Variants in BRSK2 observed in about 807,000 individuals in gnomAD.
BRSK2 encodes the protein serine/threonine-protein kinase BRSK2.
BRSK2 carries 19 observed loss-of-function variants against 83.3 expected under a neutral mutation model. That is an observed-to-expected ratio of 0.23 (90% confidence interval 0.16 to 0.33). BRSK2 has a LOEUF of 0.33. Ranked by LOEUF, BRSK2 falls within the 10% of genes least tolerant of loss-of-function variation. The pLI is 1.00. For missense variants in BRSK2, 798 were observed against 1,042.3 expected (o/e 0.77, Z 3.23); for synonymous variants, 519 against 435.4 (o/e 1.19, Z -2.39).
chr11:1,450,712 A>T lies in BRSK2; in HGVS notation c.1413A>T (p.Gly471=), dbSNP rs747593302. Residue 471 remains glycine, a synonymous_variant, in exon 14 of 20, where the codon GGA becomes GGT. Transcript: ENST00000528841. The part of the protein sequence containing the change: ...NPTPPSSPSV[G]GVPWRARLNS... Reference sequence around the variant, plus strand: ...CGCCCCCGTCCAGCCCCAGCGTCGGAGGGGTGCCCTGGAGGGCGCGGCTCA... The same window carrying T: ...CGCCCCCGTCCAGCCCCAGCGTCGGTGGGGTGCCCTGGAGGGCGCGGCTCA... The T allele has an allele frequency of 6.2e-7, 1 of 1,605,458 alleles. No individual in the cohort carries two copies. The highest frequency in any genetic ancestry group is 8.5e-7 in the Non-Finnish European group (1 of 1,177,516).
intron 1 of BRSK2, among the ~76,000 whole-genome samples, chr11:1,392,085 C>T (rs909297497): frequency 2.0e-5 from 3 of 152,182 alleles, no homozygotes; most frequent in Admixed American, 1.3e-4. Flanking sequence ...AGCGTGTCAC[C>T]GGGAGGGCCC....
At chr11:1,458,175 G>T (rs1480235896) in intron 18 of BRSK2, among the ~76,000 whole-genome samples, 2 of 152,058 alleles carry the variant, frequency 1.3e-5, no homozygotes, top group South Asian at 4.1e-4. Flanking sequence ...GGGTGTCCCC[G>T]CACCTGAGCA....
intron 1 of BRSK2, chr11:1,410,496 T>A (rs1413192186): frequency 1.0e-6 from 1 of 985,196 alleles, no homozygotes; most frequent in Non-Finnish European, 1.2e-6. Context: ...GTGCGATGGG[T>A]GCTGGGCCCG....
intron 16 of BRSK2, among the ~76,000 whole-genome samples, chr11:1,455,689 C>T (rs1846430562): frequency 6.6e-6 from 1 of 152,064 alleles, no homozygotes; most frequent in Admixed American, 6.5e-5. Context: ...CCTCGGCCTC[C>T]TCCCTCACCA....
chr11:1,440,384 A>G (rs1049308701), intron 3 of BRSK2, among the ~76,000 whole-genome samples: 6 of 151,844 alleles, frequency 4.0e-5, no homozygotes, highest in African/African-American at 1.5e-4. Flanking sequence ...TGCCTGTGCC[A>G]CTGAGGACCA....
chr11:1,421,926 C>T (rs1051728281), intron 1 of BRSK2, among the ~76,000 whole-genome samples: 3 of 139,214 alleles, frequency 2.2e-5, no homozygotes, highest in South Asian at 2.6e-4. Context: ...GATGTGAGCA[C>T]GGCGGCCTGA....
intron 1 of BRSK2, among the ~76,000 whole-genome samples, chr11:1,426,797 G>A (rs1849286089): frequency 1.3e-5 from 2 of 152,068 alleles, no homozygotes; most frequent in South Asian, 4.1e-4. Context: ...TGGCGGGGCT[G>A]CTGGGGAGGA....
rs963998268 is a variant in BRSK2 at position 1,423,880 on chromosome 11, C to G, written c.92-12160C>G. ...CCCTGGGCCTGCAGAAGTGCTCCCC[C>G]ACCCCCATCTTGCTTTCACCCTCAC... On this transcript the variant is annotated intron_variant, in intron 1 of 19. Transcript: ENST00000528841. The surrounding 1 kb of genome is among the most constrained non-coding windows in gnomAD (Gnocchi z 6.5). 6.6e-6 allele frequency among the ~76,000 whole-genome samples: 1 copy of G among 152,206 alleles called. No individual in the cohort carries two copies. Among genetic ancestry groups the G allele is most frequent in the Non-Finnish European group, 1.5e-5 (1 of 67,988 alleles).
Position 1,423,338 on chromosome 11 carries a change from T to C in BRSK2, c.92-12702T>C, listed in dbSNP as rs114968658. On this transcript the variant is annotated intron_variant, in intron 1 of 19. Coordinates refer to ENST00000528841, the MANE Select transcript of BRSK2 (RefSeq NM_001256627.2). This position sits in a 1 kb window ranked among gnomAD's most constrained non-coding sequence, Gnocchi z 6.5. ...GGTGAGTTCGAGACCTCGTAAATACTTCAGTGCAGAGCCTTCAGTTAGGAG... is the reference window on the plus strand; with the variant it reads ...GGTGAGTTCGAGACCTCGTAAATACCTCAGTGCAGAGCCTTCAGTTAGGAG... Among the ~76,000 whole-genome samples, 519 of 152,250 alleles carry C rather than the reference T, an allele frequency of 3.4e-3. 2 individuals are homozygous for C. Among genetic ancestry groups the C allele is most frequent in the African/African-American group, 0.012 (494 of 41,550 alleles).
Position 1,451,354 on chromosome 11 carries a change from T to G in BRSK2, c.1496-17T>G. On this transcript the variant is annotated splice_polypyrimidine_tract_variant and intron_variant, in intron 14 of 19. Transcript: ENST00000528841. ...GCGGTCACCACGCCTTTCCTCCTGT[T>G]CATCCTGTGTGCACAGTTCCGACGC... The G allele has an allele frequency of 6.2e-7, 1 of 1,612,878 alleles. No homozygotes were observed. The highest frequency in any genetic ancestry group is 8.5e-7 in the Non-Finnish European group (1 of 1,179,824).
chr11:1,414,480 G>A (rs1186466268), intron 1 of BRSK2, among the ~76,000 whole-genome samples: 1 of 152,220 alleles, frequency 6.6e-6, no homozygotes, highest in African/African-American at 2.4e-5. Flanking sequence ...AGTATGCTAA[G>A]GTGCAGCTTC....
chr11:1,414,443 T>C (rs1480074221), intron 1 of BRSK2, among the ~76,000 whole-genome samples: 2 of 152,160 alleles, frequency 1.3e-5, no homozygotes, highest in Non-Finnish European at 2.9e-5. Context: ...TGGAATGCGG[T>C]GTTCATTAGA....
At chr11:1,394,923 T>G (rs1845973565) in intron 1 of BRSK2, among the ~76,000 whole-genome samples, 1 of 137,642 alleles carries the variant, frequency 7.3e-6, no homozygotes, top group South Asian at 2.4e-4. Context: ...AGATGGGTCC[T>G]GGAGATGGGT....
At chr11:1,446,128 G>T (rs116088359) in intron 12 of BRSK2, among the ~76,000 whole-genome samples, 249 of 145,938 alleles carry the variant, frequency 1.7e-3, no homozygotes, top group African/African-American at 6.0e-3. Context: ...AGCTGGGCTG[G>T]GCTGTGCTGG....
Position 1,460,757 on chromosome 11 carries a change from CAG to C in BRSK2, c.*35_*36del, listed in dbSNP as rs1847395452. Reference sequence around the variant, plus strand: ...GCCCCCCCCCCCAGCACAGCACTGACAGCGGCTGCCTCGCCGCCCGCCGCCCG... The same window carrying C: ...GCCCCCCCCCCCAGCACAGCACTGACCGGCTGCCTCGCCGCCCGCCGCCCG... On this transcript the variant is annotated 3_prime_UTR_variant, in exon 20 of 20. Transcript: ENST00000528841. The C allele has an allele frequency of 7.2e-7, 1 of 1,382,834 alleles. No homozygotes were observed. The highest frequency in any genetic ancestry group is 9.4e-7 in the Non-Finnish European group (1 of 1,067,430). The allele number at this position is 1,382,834 out of a possible 1,614,324, so 85.7% of individuals were successfully genotyped here.
At position 1,438,403 on chromosome 11, in the gene BRSK2, TG is replaced by T; in HGVS notation, c.272+15del. On this transcript the variant is annotated intron_variant, in intron 3 of 19. Transcript: ENST00000528841. The surrounding 1 kb of genome is among the most constrained non-coding windows in gnomAD (Gnocchi z 6.4). ...AACAAAAAATATTTGTAGGTATTGC[TG>T]GGTCTGAAGAGCTGGGGTGGCGGAG... The T allele has an allele frequency of 6.2e-7, 1 of 1,612,894 alleles. No homozygotes were observed. The highest frequency in any genetic ancestry group is 8.5e-7 in the Non-Finnish European group (1 of 1,179,060).
In BRSK2 at chr11:1,461,289, C is replaced by T. The variant is rs941112531; in HGVS notation, c.*566C>T. On this transcript the variant is annotated 3_prime_UTR_variant, in exon 20 of 20. Coordinates refer to ENST00000528841, the MANE Select transcript of BRSK2 (RefSeq NM_001256627.2). ...GCAACGTAGCCACAGGAACAGGCCC[C>T]GTCCACCGCCTCCACGCCGCACCTG... 9 of 487,326 alleles carry T rather than the reference C, an allele frequency of 1.8e-5. No homozygotes were observed. In the East Asian group the frequency reaches 2.0e-4, roughly 11 times the overall value. The allele number at this position is 487,326 out of a possible 1,614,324, so 30.2% of individuals were successfully genotyped here. A position where few individuals can be genotyped will look rare whatever the true frequency, so the allele number is the denominator to read the frequency against.
intron 1 of BRSK2, among the ~76,000 whole-genome samples, chr11:1,418,470 GT>G (rs1848332275): frequency 6.9e-6 from 1 of 145,076 alleles, no homozygotes; most frequent in Non-Finnish European, 1.5e-5. Context: ...TCTCTTGAGA[GT>G]GGGTCACACT....
chr11:1,413,250 G>A (rs1847743872), intron 1 of BRSK2, among the ~76,000 whole-genome samples: 1 of 152,112 alleles, frequency 6.6e-6, no homozygotes, highest in South Asian at 2.1e-4. Context: ...CACCCCCTCA[G>A]GTGTGGTGTG....
Sources: allele counts gnomAD v4.1 joint callset (sites outside exome capture counted in the v4.1 genomes callset), GRCh38; gene constraint gnomAD v4.1.1; non-coding constraint Gnocchi (gnomAD v3.1); transcripts MANE v1.5; gene names NCBI Gene and HGNC (gene_info 2026-07-23, HGNC 2026-07-21).